Variants in SLC31A1 observed in about 807,000 individuals in gnomAD.
SLC31A1 encodes solute carrier family 31 member 1.
SLC31A1 carries 5 observed loss-of-function variants against 17.2 expected under a neutral mutation model. The ratio of observed to expected loss-of-function variants is 0.29; its 90% confidence interval spans 0.15 to 0.61. The LOEUF is 0.61. Among genes scored for constraint, SLC31A1 ranks in the 20% least tolerant of loss-of-function variants. The pLI is 0.86. For missense variants in SLC31A1, 161 were observed against 241.4 expected, an observed-to-expected ratio of 0.67 and a Z score of 2.21; for synonymous variants, 76 against 78.8, an observed-to-expected ratio of 0.96 and a Z score of 0.19.
chr9:113,252,914 A>G (rs1397393239), intron 1 of SLC31A1, among the ~76,000 whole-genome samples: 1 of 148,126 alleles, frequency 6.8e-6, no homozygotes, highest in Admixed American at 6.7e-5. Flanking sequence ...ATGTGTCAGT[A>G]GTCTTCCTGG....
chr9:113,241,898 T>G (rs796603182), intron 1 of SLC31A1, among the ~76,000 whole-genome samples: 57 of 152,368 alleles, frequency 3.7e-4, no homozygotes, highest in African/African-American at 1.3e-3. Context: ...TTGTGAGACC[T>G]AGTTCCAGTT....
intron 4 of SLC31A1, among the ~76,000 whole-genome samples, chr9:113,259,599 T>G (rs867928747): frequency 8.2e-6 from 1 of 122,498 alleles, no homozygotes; most frequent in East Asian, 2.3e-4. Context: ...TTTTTTTTTT[T>G]CTGGAGACAG....
intron 1 of SLC31A1, among the ~76,000 whole-genome samples, chr9:113,243,308 A>C (rs1831540593): frequency 6.6e-6 from 1 of 152,220 alleles, no homozygotes; most frequent in Non-Finnish European, 1.5e-5. Flanking sequence ...TAGGTGACCT[A>C]GGGATTGGAC....
At chr9:113,224,883 C>T (rs1831323982) in intron 1 of SLC31A1, among the ~76,000 whole-genome samples, 1 of 152,226 alleles carries the variant, frequency 6.6e-6, no homozygotes, top group South Asian at 2.1e-4. Flanking sequence ...AGACAAGTTA[C>T]TCAGTTTTTG....
chr9:113,263,638 C>A lies in SLC31A1; in HGVS notation c.*3165C>A, dbSNP rs1190642785. The A allele has an allele frequency of 3.3e-5, 5 of 152,546 alleles. No individual in the cohort carries two copies. The highest frequency in any genetic ancestry group is 7.2e-5 in the African/African-American group (3 of 41,396). 9.4% of individuals were successfully genotyped at this position (152,546 alleles called of 1,614,324 possible). ...ACAGTGCTATGCTGTGGATATAATACCAACCAGAAATTGGCATTTATAAAC... is the reference window on the plus strand; with the variant it reads ...ACAGTGCTATGCTGTGGATATAATAACAACCAGAAATTGGCATTTATAAAC... On this transcript the variant is annotated 3_prime_UTR_variant, in exon 5 of 5. Transcript: ENST00000374212.
intron 1 of SLC31A1, among the ~76,000 whole-genome samples, chr9:113,247,191 A>G (rs533390399): frequency 1.1e-3 from 161 of 152,350 alleles, no homozygotes; most frequent in African/African-American, 3.6e-3. Context: ...GACTACAGAA[A>G]GCAGAAGAGA....
intron 1 of SLC31A1, among the ~76,000 whole-genome samples, chr9:113,240,063 G>C (rs1190771831): frequency 6.6e-6 from 1 of 152,116 alleles, no homozygotes; most frequent in Non-Finnish European, 1.5e-5. Flanking sequence ...TTTAAAGTCA[G>C]CTCCTTTAAG....
chr9:113,256,470 C>T (rs1343142655), intron 2 of SLC31A1, 193 bp downstream of exon 2: 3 of 554,026 alleles, frequency 5.4e-6, no homozygotes, highest in East Asian at 3.1e-5. Flanking sequence ...CACACCAGAA[C>T]CAAGATTTTA....
At chr9:113,224,174 T>C (rs887951656) in intron 1 of SLC31A1, among the ~76,000 whole-genome samples, 4 of 152,188 alleles carry the variant, frequency 2.6e-5, no homozygotes, top group Admixed American at 2.6e-4. Flanking sequence ...CAAGGCAGAA[T>C]TGAATATTTG....
intron 1 of SLC31A1, among the ~76,000 whole-genome samples, chr9:113,242,772 G>A (rs1564210933): frequency 6.6e-6 from 1 of 152,154 alleles, no homozygotes; most frequent in Non-Finnish European, 1.5e-5. Context: ...GTCATTTTAT[G>A]TGACACTTGT....
At chr9:113,238,001 C>T (rs1831481620) in intron 1 of SLC31A1, among the ~76,000 whole-genome samples, 1 of 152,100 alleles carries the variant, frequency 6.6e-6, no homozygotes, top group African/African-American at 2.4e-5. Flanking sequence ...ATAATATTAC[C>T]ACAGAGTAAT....
intron 1 of SLC31A1, among the ~76,000 whole-genome samples, chr9:113,244,254 G>C (rs1258601257): frequency 1.4e-5 from 2 of 147,148 alleles, no homozygotes; most frequent in African/African-American, 5.1e-5. Flanking sequence ...TTTCTTGTTT[G>C]CCTAGATCAT....
At chr9:113,225,182 A>G (rs1831327559) in intron 1 of SLC31A1, among the ~76,000 whole-genome samples, 1 of 152,242 alleles carries the variant, frequency 6.6e-6, no homozygotes, top group Non-Finnish European at 1.5e-5. Flanking sequence ...TTCCCATCAC[A>G]TTGGAGAATA....
chr9:113,252,013 A>G (rs1831659790), intron 1 of SLC31A1, among the ~76,000 whole-genome samples: 1 of 152,210 alleles, frequency 6.6e-6, no homozygotes, highest in South Asian at 2.1e-4. Flanking sequence ...ATCTCCTAGT[A>G]TATTTGGATG....
At chr9:113,234,480 ATTTT>A (rs869088669) in intron 1 of SLC31A1, among the ~76,000 whole-genome samples, 3 of 60,230 alleles carry the variant, frequency 5.0e-5, no homozygotes, top group Non-Finnish European at 9.0e-5. Context: ...CCTGGCCATC[ATTTT>A]TTTTTTTTTT....
intron 1 of SLC31A1, among the ~76,000 whole-genome samples, chr9:113,236,180 G>GT (rs1274725479): frequency 6.6e-6 from 1 of 152,060 alleles, no homozygotes; most frequent in Admixed American, 6.5e-5. Flanking sequence ...TAGAGACAGC[G>GT]TTTTGCCATG....
chr9:113,231,537 C>T (rs1024602508), intron 1 of SLC31A1, among the ~76,000 whole-genome samples: 25 of 150,132 alleles, frequency 1.7e-4, no homozygotes, highest in Admixed American at 1.4e-3. Flanking sequence ...GCACTCCAGC[C>T]GGGACAACAG....
At position 113,257,167 on chromosome 9, in the gene SLC31A1, G is replaced by T. The variant is rs1831737905; in HGVS notation, c.184G>T (p.Val62Leu). The T allele has an allele frequency of 1.9e-6, 3 of 1,613,820 alleles. No individual in the cohort carries two copies. The highest frequency in any genetic ancestry group is 1.3e-5 in the African/African-American group (1 of 75,016). The change falls in exon 3 of 5, where the codon GTG (valine) becomes TTG (leucine). Residue 62 changes from valine (V) to leucine (L), a missense_variant. Coordinates refer to ENST00000374212, the MANE Select transcript of SLC31A1 (RefSeq NM_001859.4). ...KNVELLFSGL[V>L]INTAGEMAGA... ...TGTGGAACTACTGTTTTCCGGTTTGGTGATCAATACAGCTGGAGGTGAGTA... is the reference window on the plus strand; with the variant it reads ...TGTGGAACTACTGTTTTCCGGTTTGTTGATCAATACAGCTGGAGGTGAGTA...
At chr9:113,230,780 T>C (rs903932812) in intron 1 of SLC31A1, among the ~76,000 whole-genome samples, 1 of 152,202 alleles carries the variant, frequency 6.6e-6, no homozygotes, top group African/African-American at 2.4e-5. Flanking sequence ...ACTAGTCTTT[T>C]GGGGAAGCTA....
Sources: gnomAD v4.1 joint callset for allele counts (sites outside exome capture counted in the v4.1 genomes callset) on GRCh38, gnomAD v4.1.1 for gene constraint, MANE v1.5 for transcripts, NCBI Gene and HGNC (gene_info 2026-07-23, HGNC 2026-07-21) for gene names.